The following NUDCD3 variants were observed in gnomAD, a reference collection of about 807,000 sequenced individuals.
NUDCD3 encodes the protein NudC domain containing 3.
In NUDCD3, 13 loss-of-function variants were observed where a neutral mutation model predicts 39.7. The observed-to-expected ratio is 0.33, with a 90% CI of 0.21 to 0.52. The LOEUF (loss-of-function observed/expected upper bound fraction) is 0.52. Ranked by LOEUF, NUDCD3 falls within the 20% of genes least tolerant of loss-of-function variation. The pLI is 0.96. For synonymous variants in NUDCD3, 175 were observed against 172.4 expected (o/e 1.02, Z -0.12); for missense variants, 453 against 458.1 (o/e 0.99, Z 0.10).
chr7:44,477,062 C>A (rs893403464), intron 2 of NUDCD3, among the ~76,000 whole-genome samples: 10 of 152,160 alleles, frequency 6.6e-5, no homozygotes, highest in African/African-American at 2.4e-4. Context: ...CCTGTAACTG[C>A]GCACAAAGGC....
At chr7:44,398,565 C>G (rs1044523911) in intron 4 of NUDCD3, among the ~76,000 whole-genome samples, 1 of 152,224 alleles carries the variant, frequency 6.6e-6, no homozygotes, top group South Asian at 2.1e-4. Flanking sequence ...AATGTCCTCA[C>G]AGAAACTTCC....
At chr7:44,410,109 T>C (rs538606779) in intron 3 of NUDCD3, among the ~76,000 whole-genome samples, 3 of 151,994 alleles carry the variant, frequency 2.0e-5, no homozygotes, top group Non-Finnish European at 4.4e-5. Flanking sequence ...GAAAGAATAA[T>C]GGCTAAAAAC....
intron 3 of NUDCD3, among the ~76,000 whole-genome samples, chr7:44,414,291 T>TA (rs2116885846): frequency 1.3e-5 from 2 of 152,186 alleles, no homozygotes; most frequent in South Asian, 4.1e-4. Flanking sequence ...TGAGGGATGG[T>TA]GGGTTTGGGG....
chr7:44,425,237 C>T (rs1799211802), intron 3 of NUDCD3, among the ~76,000 whole-genome samples: 1 of 152,090 alleles, frequency 6.6e-6, no homozygotes, highest in Non-Finnish European at 1.5e-5. Flanking sequence ...CACAGCAAAC[C>T]ACCATGGCAC....
intron 2 of NUDCD3, among the ~76,000 whole-genome samples, chr7:44,442,124 G>C (rs1367606639): frequency 6.6e-6 from 1 of 152,212 alleles, no homozygotes; most frequent in Non-Finnish European, 1.5e-5. Context: ...CTCAGAGTAA[G>C]TGTTAGCTGC....
chr7:44,464,916 C>T (rs1441111491), intron 2 of NUDCD3, among the ~76,000 whole-genome samples: 1 of 152,200 alleles, frequency 6.6e-6, no homozygotes, highest in East Asian at 1.9e-4. Flanking sequence ...ATTCCCTCCT[C>T]TTACAGTGCC....
intron 3 of NUDCD3, among the ~76,000 whole-genome samples, chr7:44,407,354 T>C (rs938113412): frequency 1.1e-4 from 17 of 150,954 alleles, no homozygotes; most frequent in Admixed American, 4.0e-4. Context: ...TCACCTAAGG[T>C]TGACAGTTCG....
chr7:44,483,067 AGTGT>A (rs142842030), intron 2 of NUDCD3, among the ~76,000 whole-genome samples: 1 of 149,770 alleles, frequency 6.7e-6, no homozygotes, highest in Non-Finnish European at 1.5e-5. Flanking sequence ...AGACCTCCTA[AGTGT>A]GTGTGTGTGT....
At chr7:44,402,240 T>G (rs1005918645) in intron 4 of NUDCD3, among the ~76,000 whole-genome samples, 4 of 152,200 alleles carry the variant, frequency 2.6e-5, no homozygotes, top group Non-Finnish European at 5.9e-5. Context: ...ATTAAACAGA[T>G]TGTAAGGCAC....
Position 44,449,125 on chromosome 7 carries a change from A to G in NUDCD3, c.510-21422T>C, listed in dbSNP as rs376621148. On this transcript the variant is annotated intron_variant, in intron 2 of 5. Transcript: ENST00000355451. ...GGAATGGATGAGCTCTCCAAGGGAGAAAACTGCAGAAAGAAGAAAGGGCTG... is the reference window on the plus strand; with the variant it reads ...GGAATGGATGAGCTCTCCAAGGGAGGAAACTGCAGAAAGAAGAAAGGGCTG... 6.6e-5 allele frequency among the ~76,000 whole-genome samples: 10 copies of G among 152,208 alleles called. No homozygotes were observed. The East Asian group carries it at 7.7e-4, about 12-fold the overall frequency.
chr7:44,409,537 T>G (rs549369863), intron 3 of NUDCD3, among the ~76,000 whole-genome samples: 1 of 151,976 alleles, frequency 6.6e-6, no homozygotes, highest in South Asian at 2.1e-4. Flanking sequence ...CCCATTGTGT[T>G]ATTTAAAAAT....
intron 2 of NUDCD3, among the ~76,000 whole-genome samples, chr7:44,436,066 C>T (rs1347804935): frequency 1.3e-5 from 2 of 151,936 alleles, no homozygotes; most frequent in East Asian, 3.8e-4. Flanking sequence ...TAAGATCTAT[C>T]AAATTCAATG....
chr7:44,483,656 A>G (rs1158829651), intron 2 of NUDCD3, among the ~76,000 whole-genome samples: 1 of 151,836 alleles, frequency 6.6e-6, no homozygotes, highest in African/African-American at 2.4e-5. Context: ...GGACTTTAAG[A>G]CTCTGCAATC....
chr7:44,427,493 G>A, intron 3 of NUDCD3, 78 bp downstream of exon 3: 1 of 1,501,978 alleles, frequency 6.7e-7, no homozygotes, highest in African/African-American at 1.4e-5. Context: ...CTCCCTCAAG[G>A]ATGCTGGTGG....
intron 2 of NUDCD3, among the ~76,000 whole-genome samples, chr7:44,478,906 G>A (rs1420724805): frequency 1.3e-5 from 2 of 152,168 alleles, no homozygotes; most frequent in African/African-American, 2.4e-5. Context: ...GCTGCTATAA[G>A]GACATACCCA....
rs1798393171 is a variant in NUDCD3 at position 44,385,955 on chromosome 7, A to G, written c.*56T>C. 1 of 872,454 alleles carries G rather than the reference A, an allele frequency of 1.1e-6. No individual in the cohort carries two copies. The highest frequency in any genetic ancestry group is 1.7e-5 in the African/African-American group (1 of 60,388). 54.0% of individuals were successfully genotyped at this position (872,454 alleles called of 1,614,324 possible). On this transcript the variant is annotated 3_prime_UTR_variant, in exon 6 of 6. Coordinates refer to ENST00000355451, the MANE Select transcript of NUDCD3 (RefSeq NM_015332.4). ...TGGAATGCAGGGAGCCAAGAAGGGC[A>G]GCCGAGGATAAGGCTCTGCCTCCCC...
At chr7:44,456,089 CAAGAA>C (rs1239386302) in intron 2 of NUDCD3, among the ~76,000 whole-genome samples, 26 of 94,690 alleles carry the variant, frequency 2.7e-4, no homozygotes, top group Non-Finnish European at 5.4e-4. Context: ...TTCCAGAAAA[CAAGAA>C]AAGAGCTTTT....
intron 2 of NUDCD3, among the ~76,000 whole-genome samples, chr7:44,449,541 A>C (rs1799753402): frequency 6.6e-6 from 1 of 152,206 alleles, no homozygotes; most frequent in Admixed American, 6.5e-5. Flanking sequence ...AAAGCAGGAG[A>C]AGATTATTGG....
chr7:44,457,756 A>G (rs949650274), intron 2 of NUDCD3, among the ~76,000 whole-genome samples: 1 of 152,256 alleles, frequency 6.6e-6, no homozygotes, highest in South Asian at 2.1e-4. Context: ...ACACATTTTT[A>G]GTTACTAGAA....
Sources: allele counts gnomAD v4.1 joint callset (sites outside exome capture counted in the v4.1 genomes callset), GRCh38; gene constraint gnomAD v4.1.1; transcripts MANE v1.5; gene names NCBI Gene and HGNC (gene_info 2026-07-23, HGNC 2026-07-21).